Variants in GLIS3 observed in about 807,000 individuals in gnomAD.
GLIS3 encodes GLIS family zinc finger 3, also known as zinc finger protein GLIS3.
A neutral mutation model predicts 78.6 loss-of-function variants in GLIS3; 53 were observed. The ratio of observed to expected loss-of-function variants is 0.67; its 90% CI spans 0.54 to 0.85. GLIS3 has a LOEUF of 0.85. Ranked by LOEUF, GLIS3 falls within the 40% of genes least tolerant of loss-of-function variation. The pLI is 0.00. For missense variants in GLIS3, 1,703 were observed against 1,231.1 expected (o/e 1.38, Z -5.74); for synonymous variants, 684 against 509.9 (o/e 1.34, Z -4.60).
intron 2 of GLIS3, among the ~76,000 whole-genome samples, chr9:4,197,155 G>A (rs1043785417): frequency 3.9e-5 from 6 of 152,134 alleles, no homozygotes; most frequent in Non-Finnish European, 7.4e-5. Flanking sequence ...GGCTCTCTGT[G>A]CTCCACACAC....
intron 2 of GLIS3, among the ~76,000 whole-genome samples, chr9:4,209,198 G>T (rs1391403275): frequency 1.3e-5 from 2 of 152,078 alleles, no homozygotes; most frequent in African/African-American, 4.8e-5. Flanking sequence ...TATAAATGAA[G>T]ATGCTCACTC....
intron 2 of GLIS3, among the ~76,000 whole-genome samples, chr9:4,341,826 T>C (rs1204660790): frequency 6.6e-6 from 1 of 152,198 alleles, no homozygotes; most frequent in Non-Finnish European, 1.5e-5. Flanking sequence ...TCATCACCTT[T>C]TTCCCACGTT....
chr9:4,003,644 T>C (rs1435070940), intron 4 of GLIS3, among the ~76,000 whole-genome samples: 1 of 152,184 alleles, frequency 6.6e-6, no homozygotes. Context: ...ATTCTGCACA[T>C]TTGAATACCA....
chr9:4,266,507 C>T (rs1443875281), intron 2 of GLIS3, among the ~76,000 whole-genome samples: 1 of 152,110 alleles, frequency 6.6e-6, no homozygotes, highest in East Asian at 1.9e-4. Flanking sequence ...ACCATCTGTG[C>T]ACCCTATTAA....
At chr9:4,107,895 A>G (rs1830893645) in intron 4 of GLIS3, among the ~76,000 whole-genome samples, 2 of 152,202 alleles carry the variant, frequency 1.3e-5, no homozygotes, top group African/African-American at 4.8e-5. Context: ...ATCTTCACAC[A>G]GTGCAAATAA....
the GLIS3 span, among the ~76,000 whole-genome samples, chr9:4,379,826 A>G: frequency 6.6e-6 from 1 of 152,228 alleles, no homozygotes; most frequent in Admixed American, 6.5e-5. Context: ...ACAGGTGCAA[A>G]AAGGACCAAT....
At chr9:4,323,346 C>T (rs1474329214) in intron 2 of GLIS3, among the ~76,000 whole-genome samples, 1 of 152,090 alleles carries the variant, frequency 6.6e-6, no homozygotes, top group African/African-American at 2.4e-5. Flanking sequence ...ATATTGTTCC[C>T]TTTTCCTTGC....
chr9:4,033,814 A>T (rs1219380273), intron 4 of GLIS3, among the ~76,000 whole-genome samples: 1 of 144,546 alleles, frequency 6.9e-6, no homozygotes, highest in Non-Finnish European at 1.5e-5. Context: ...TTTCATGCAC[A>T]TGGCAACACA....
At chr9:4,402,918 A>C in the GLIS3 span, among the ~76,000 whole-genome samples, 1 of 152,204 alleles carries the variant, frequency 6.6e-6, no homozygotes, top group Non-Finnish European at 1.5e-5. Flanking sequence ...ATAATAACAG[A>C]GAACTTCCCA....
the GLIS3 span, among the ~76,000 whole-genome samples, chr9:4,419,372 G>A: frequency 1.8e-4 from 28 of 152,166 alleles, no homozygotes; most frequent in African/African-American, 5.6e-4. Flanking sequence ...TCTGCAGGCT[G>A]TACAGGAAGC....
chr9:4,267,965 G>GTGTGTA (rs1274860706), intron 2 of GLIS3, among the ~76,000 whole-genome samples: 58 of 152,090 alleles, frequency 3.8e-4, no homozygotes, highest in Non-Finnish European at 5.9e-4. Context: ...GTGTGTGTGT[G>GTGTGTA]TGTGTGTGTG....
At chr9:4,462,996 T>C in the GLIS3 span, among the ~76,000 whole-genome samples, 752 of 152,350 alleles carry the variant, frequency 4.9e-3, 3 homozygotes, top group Non-Finnish European at 6.9e-3. Flanking sequence ...GGGAAATCCA[T>C]GTCTGTACCA....
chr9:4,392,105 G>C, the GLIS3 span, among the ~76,000 whole-genome samples: 1 of 152,138 alleles, frequency 6.6e-6, no homozygotes, highest in African/African-American at 2.4e-5. Context: ...CAGGGACATG[G>C]ATGAACCTGA....
the GLIS3 span, among the ~76,000 whole-genome samples, chr9:4,403,883 A>C: frequency 6.6e-6 from 1 of 152,160 alleles, no homozygotes; most frequent in Non-Finnish European, 1.5e-5. Context: ...ATCAATAATA[A>C]TACTGAGTGA....
chr9:4,055,888 T>C (rs1732008030), intron 4 of GLIS3, among the ~76,000 whole-genome samples: 1 of 152,102 alleles, frequency 6.6e-6, no homozygotes, highest in Non-Finnish European at 1.5e-5. Context: ...TAAAATTGGG[T>C]TGAATGAACA....
chr9:3,856,307 TA>T (rs201638563), intron 8 of GLIS3, 123 bp from the exon 9 acceptor site: 438 of 853,604 alleles, frequency 5.1e-4, no homozygotes, highest in Non-Finnish European at 6.4e-4. Flanking sequence ...ACAAGCCTTT[TA>T]AAAAAAAATC....
chr9:3,957,421 G>T (rs571789641), intron 4 of GLIS3, among the ~76,000 whole-genome samples: 1 of 152,350 alleles, frequency 6.6e-6, no homozygotes, highest in East Asian at 1.9e-4. Flanking sequence ...CACTGAGCCT[G>T]CGTGTGCAGG....
At chr9:4,154,722 G>A (rs1834925517) in intron 2 of GLIS3, among the ~76,000 whole-genome samples, 1 of 152,144 alleles carries the variant, frequency 6.6e-6, no homozygotes, top group South Asian at 2.1e-4. Flanking sequence ...AGTTGAGAGT[G>A]TAATATGTTA....
chr9:3,922,401 A>G (rs1179334983), intron 6 of GLIS3, among the ~76,000 whole-genome samples: 3 of 152,234 alleles, frequency 2.0e-5, no homozygotes, highest in African/African-American at 7.2e-5. Flanking sequence ...TGAAATCAAG[A>G]CAAGACTTAC....
Sources: gnomAD v4.1 joint callset for allele counts (sites outside exome capture counted in the v4.1 genomes callset) on GRCh38, gnomAD v4.1.1 for gene constraint, MANE v1.5 for transcripts, NCBI Gene and HGNC (gene_info 2026-07-23, HGNC 2026-07-21) for gene names.